The following RAB12 variants were observed in gnomAD, a reference collection of about 807,000 sequenced individuals.
The protein encoded by RAB12 is ras-related protein Rab-12.
A neutral mutation model predicts 28.4 loss-of-function variants in RAB12; 11 were observed. The observed-to-expected ratio is 0.39, with a 90% CI of 0.24 to 0.64. The LOEUF (loss-of-function observed/expected upper bound fraction) is 0.64, where lower values mean the gene tolerates loss of function less well. Among genes scored for constraint, RAB12 ranks in the 30% least tolerant of loss-of-function variants. The pLI, the probability that RAB12 is intolerant of heterozygous loss-of-function variation, is 0.50. For synonymous variants in RAB12, 138 were observed against 145.3 expected (o/e 0.95, Z 0.36); for missense variants, 276 against 351.1 (o/e 0.79, Z 1.71).
chr18:8,621,303 A>G (rs145339492), intron 1 of RAB12, among the ~76,000 whole-genome samples: 2 of 152,334 alleles, frequency 1.3e-5, no homozygotes, highest in South Asian at 2.1e-4. Context: ...ATTAAGGGAT[A>G]TTTTTGACTT....
At chr18:8,625,103 C>A in intron 2 of RAB12, 105 bp downstream of exon 2, 1 of 686,792 alleles carries the variant, frequency 1.5e-6, no homozygotes, top group Non-Finnish European at 2.5e-6. Flanking sequence ...CTCCTACTTT[C>A]TCCTCTTTTG....
intron 2 of RAB12, among the ~76,000 whole-genome samples, chr18:8,629,311 C>A (rs28477429): frequency 6.6e-6 from 1 of 152,122 alleles, no homozygotes; most frequent in Non-Finnish European, 1.5e-5. Flanking sequence ...TAACTCTGTT[C>A]CTTCTCAGCC....
intron 1 of RAB12, among the ~76,000 whole-genome samples, chr18:8,619,484 A>G (rs2096008565): frequency 1.3e-5 from 2 of 152,252 alleles, no homozygotes; most frequent in South Asian, 4.1e-4. Context: ...AGACATGTGA[A>G]AGACAGCCAG....
chr18:8,631,691 G>T (rs573372015), intron 2 of RAB12, among the ~76,000 whole-genome samples: 34 of 152,294 alleles, frequency 2.2e-4, no homozygotes, highest in South Asian at 2.1e-3. Flanking sequence ...GGTTTTGTAA[G>T]GGGAAGAAAT....
chr18:8,612,813 G>C (rs995000783), intron 1 of RAB12, among the ~76,000 whole-genome samples: 4 of 152,192 alleles, frequency 2.6e-5, no homozygotes, highest in African/African-American at 9.7e-5. Context: ...TGGGACTGCA[G>C]GTGCACACCA....
At chr18:8,627,217 G>A (rs1005304505) in intron 2 of RAB12, among the ~76,000 whole-genome samples, 2 of 152,128 alleles carry the variant, frequency 1.3e-5, no homozygotes, top group African/African-American at 2.4e-5. Context: ...TGTTGTCGTC[G>A]TTTCACTCTC....
In RAB12 at chr18:8,639,144, GTTCTTTTTTTTTTTTTTT is replaced by G. The variant is rs2096020799; in HGVS notation, c.*885_*902del. ...CTTATTCTGATTAAGCCTAGACTGT[GTTCTTTTTTTTTTTTTTT>G]TTTTTTTTTTTTTTTTTTTTTTTTT... On this transcript the variant is annotated 3_prime_UTR_variant, in exon 6 of 6. Coordinates refer to ENST00000649141, the MANE Select transcript of RAB12 (RefSeq NM_001025300.3). 2 of 16,560 alleles carry G rather than the reference GTTCTTTTTTTTTTTTTTT, an allele frequency of 1.2e-4. No homozygotes were observed. The highest frequency in any genetic ancestry group is 2.6e-4 in the Non-Finnish European group (2 of 7,628). 1.0% of individuals were successfully genotyped at this position (16,560 alleles called of 1,614,324 possible). A position where few individuals can be genotyped will look rare whatever the true frequency, so the allele number is the denominator to read the frequency against.
intron 1 of RAB12, among the ~76,000 whole-genome samples, chr18:8,616,417 G>T (rs2096006708): frequency 6.7e-6 from 1 of 149,782 alleles, no homozygotes; most frequent in Non-Finnish European, 1.5e-5. Flanking sequence ...AAACTGGGAA[G>T]CACAGCACAG....
At chr18:8,625,607 A>G (rs2096012233) in intron 2 of RAB12, among the ~76,000 whole-genome samples, 1 of 152,212 alleles carries the variant, frequency 6.6e-6, no homozygotes, top group Non-Finnish European at 1.5e-5. Flanking sequence ...ACTCAGCACT[A>G]AGAGCTTTCT....
In RAB12 at chr18:8,616,757, CA is replaced by C. The variant is rs71165794; in HGVS notation, c.514+6819del. On this transcript the variant is annotated intron_variant, in intron 1 of 5. Coordinates refer to ENST00000649141, the MANE Select transcript of RAB12 (RefSeq NM_001025300.3). ...GCTACATGGCGAAACCCCATCTCCACAAAAAAAAAAAAAAATGAAAAATTAG... is the reference window on the plus strand; with the variant it reads ...GCTACATGGCGAAACCCCATCTCCACAAAAAAAAAAAAAATGAAAAATTAG... 1.5e-3 allele frequency among the ~76,000 whole-genome samples: 190 copies of C among 128,546 alleles called. 1 individual carries two copies. The highest frequency in any genetic ancestry group is 4.1e-3 in the Middle Eastern group (1 of 242). 84.3% of individuals were successfully genotyped at this position (128,546 alleles called of 152,430 possible).
At chr18:8,620,130 T>TC (rs1451232239) in intron 1 of RAB12, among the ~76,000 whole-genome samples, 11 of 119,994 alleles carry the variant, frequency 9.2e-5, no homozygotes, top group Non-Finnish European at 1.6e-4. Context: ...TTCTTTTTTT[T>TC]TTCTTCTTCT....
chr18:8,618,695 G>A (rs1339225874), intron 1 of RAB12, among the ~76,000 whole-genome samples: 1 of 152,034 alleles, frequency 6.6e-6, no homozygotes, highest in Non-Finnish European at 1.5e-5. Context: ...TGTGTTTTTG[G>A]TAGAGACGAG....
At chr18:8,622,873 C>T (rs2096010668) in intron 1 of RAB12, among the ~76,000 whole-genome samples, 1 of 152,130 alleles carries the variant, frequency 6.6e-6, no homozygotes, top group South Asian at 2.1e-4. Flanking sequence ...CAGGGATGTT[C>T]CTTGCTGAGA....
At chr18:8,619,316 G>T (rs1054064249) in intron 1 of RAB12, among the ~76,000 whole-genome samples, 36 of 152,210 alleles carry the variant, frequency 2.4e-4, no homozygotes, top group African/African-American at 8.2e-4. Flanking sequence ...TACTGGAAAG[G>T]AGTGTAAAGA....
rs2096020308 is a variant in RAB12 at position 8,638,579 on chromosome 18, T to G, written c.*317T>G. ...CTTGAAATAAATAATATAATTGTCC[T>G]TATTAATTATATTATGAGGACAGAA... On this transcript the variant is annotated 3_prime_UTR_variant, in exon 6 of 6. Coordinates refer to ENST00000649141, the MANE Select transcript of RAB12 (RefSeq NM_001025300.3). The G allele has an allele frequency of 5.2e-6, 1 of 193,158 alleles. No individual in the cohort carries two copies. Among genetic ancestry groups the G allele is most frequent in the African/African-American group, 2.3e-5 (1 of 42,580 alleles). 12.0% of individuals were successfully genotyped at this position (193,158 alleles called of 1,614,324 possible).
Position 8,639,147 on chromosome 18 carries a change from C to CTTTTTGTTTTTTTTTT in RAB12, c.*890_*891insGTTTTTTTTTTTTTTT, listed in dbSNP as rs1567898835. The CTTTTTGTTTTTTTTTT allele has an allele frequency of 1.2e-4, 2 of 16,026 alleles. No homozygotes were observed. The highest frequency in any genetic ancestry group is 2.6e-4 in the Non-Finnish European group (2 of 7,592). 1.0% of individuals were successfully genotyped at this position (16,026 alleles called of 1,614,324 possible). A position where few individuals can be genotyped will look rare whatever the true frequency, so the allele number is the denominator to read the frequency against. On this transcript the variant is annotated 3_prime_UTR_variant, in exon 6 of 6. Coordinates refer to ENST00000649141, the MANE Select transcript of RAB12 (RefSeq NM_001025300.3). ...ATTCTGATTAAGCCTAGACTGTGTT[C>CTTTTTGTTTTTTTTTT]TTTTTTTTTTTTTTTTTTTTTTTTT... is the stretch of plus-strand genomic sequence containing the variant.
intron 1 of RAB12, among the ~76,000 whole-genome samples, 160 bp from the exon 2 acceptor site, chr18:8,624,778 C>G (rs1440338334): frequency 1.3e-5 from 2 of 152,194 alleles, no homozygotes; most frequent in Non-Finnish European, 2.9e-5. Context: ...GTTATAGACA[C>G]TGGTGCAGAT....
At chr18:8,613,864 GTA>G (rs765673883) in intron 1 of RAB12, among the ~76,000 whole-genome samples, 11 of 151,980 alleles carry the variant, frequency 7.2e-5, no homozygotes, top group Admixed American at 1.3e-4. Context: ...AGTAGTAGTA[GTA>G]GTGGTCACTG....
chr18:8,633,418 C>A, intron 3 of RAB12, 91 bp downstream of exon 3: 1 of 1,418,596 alleles, frequency 7.0e-7, no homozygotes, highest in Non-Finnish European at 9.8e-7. Context: ...ATGTATTGAG[C>A]ATGTTTTCAT....
Sources: gnomAD v4.1 joint callset for allele counts (sites outside exome capture counted in the v4.1 genomes callset) on GRCh38, gnomAD v4.1.1 for gene constraint, MANE v1.5 for transcripts, NCBI Gene and HGNC (gene_info 2026-07-23, HGNC 2026-07-21) for gene names.